UCK2: variants seen among roughly 807,000 people sequenced by gnomAD.
UCK2 encodes the protein uridine-cytidine kinase 2.
UCK2 carries 6 observed loss-of-function variants against 30.8 expected under a neutral mutation model. That is an observed-to-expected ratio of 0.19 (90% confidence interval 0.11 to 0.38). The LOEUF is 0.38. UCK2 is among the 10% of genes least tolerant of loss of function. The pLI, the probability that UCK2 is intolerant of heterozygous loss-of-function variation, is 1.00. For synonymous variants in UCK2, 125 were observed against 133.6 expected (o/e 0.94, Z 0.45); for missense variants, 210 against 339.8 (o/e 0.62, Z 3.00).
intron 1 of UCK2, among the ~76,000 whole-genome samples, chr1:165,868,690 G>A: frequency 6.6e-6 from 1 of 152,234 alleles, no homozygotes; most frequent in East Asian, 1.9e-4. Flanking sequence ...ATTAGGCTTT[G>A]GTTCAAGGGA....
intron 1 of UCK2, among the ~76,000 whole-genome samples, chr1:165,884,065 G>A (rs1655561286): frequency 6.6e-6 from 1 of 152,304 alleles, no homozygotes; most frequent in South Asian, 2.1e-4. Flanking sequence ...CCTTTGAGAT[G>A]GATACCATAT....
At chr1:165,851,205 C>A (rs1654588466) in intron 1 of UCK2, among the ~76,000 whole-genome samples, 1 of 152,156 alleles carries the variant, frequency 6.6e-6, no homozygotes, top group African/African-American at 2.4e-5. Context: ...CATGTGCCCC[C>A]AGGGGCAGCA....
At position 165,906,031 on chromosome 1, in the gene UCK2, G is replaced by C. The variant is rs1647647567; in HGVS notation, c.646+62G>C. 9 of 1,538,938 alleles carry C rather than the reference G, an allele frequency of 5.8e-6. No homozygotes were observed. The Admixed American group carries it at 1.0e-4, about 17-fold the overall frequency. On this transcript the variant is annotated intron_variant, in intron 6 of 6. Transcript: ENST00000367879. ...TCTGCCCTTTGTCAGTCATAATTTGGGGCAGGATGTGGTGACCCTACAGGG... is the reference window on the plus strand; with the variant it reads ...TCTGCCCTTTGTCAGTCATAATTTGCGGCAGGATGTGGTGACCCTACAGGG...
Position 165,907,732 on chromosome 1 carries a change from G to C in UCK2, c.695G>C (p.Gly232Ala). Reference sequence around the variant, plus strand: ...CACATCCAGGACATCCTGAATGGAGGGCCCTCCAAACGGCAGACCAATGGC... The same window carrying C: ...CACATCCAGGACATCCTGAATGGAGCGCCCTCCAAACGGCAGACCAATGGC... ...VQHIQDILNGGPSKRQTNGCL... is the reference protein window; with the variant it reads ...VQHIQDILNGAPSKRQTNGCL... The change falls in exon 7 of 7, where the codon GGG (glycine) becomes GCG (alanine). Residue 232 changes from glycine (G) to alanine (A), a missense_variant. Physicochemically the swap from Gly to Ala is moderately conservative, Grantham distance 60. Coordinates refer to ENST00000367879, the MANE Select transcript of UCK2 (RefSeq NM_012474.5). The C allele has an allele frequency of 6.2e-7, 1 of 1,614,166 alleles. No individual in the cohort carries two copies. The highest frequency in any genetic ancestry group is 8.5e-7 in the Non-Finnish European group (1 of 1,180,034).
chr1:165,879,544 T>TA (rs1423705495), intron 1 of UCK2, among the ~76,000 whole-genome samples: 110 of 144,704 alleles, frequency 7.6e-4, no homozygotes, highest in African/African-American at 2.7e-3. Flanking sequence ...GATGTTTGCT[T>TA]TTTATTATTA....
At chr1:165,864,863 T>A (rs1655011153) in intron 1 of UCK2, among the ~76,000 whole-genome samples, 1 of 152,038 alleles carries the variant, frequency 6.6e-6, no homozygotes, top group Admixed American at 6.6e-5. Context: ...TTTTTTCTAC[T>A]TTTTGTAGAG....
intron 1 of UCK2, among the ~76,000 whole-genome samples, chr1:165,865,646 A>G (rs545678123): frequency 8.1e-4 from 124 of 152,258 alleles, no homozygotes; most frequent in African/African-American, 2.7e-3. Flanking sequence ...CAGACTGTCC[A>G]TTCCGTTGCA....
At chr1:165,880,679 G>T (rs1655472430) in intron 1 of UCK2, among the ~76,000 whole-genome samples, 1 of 151,370 alleles carries the variant, frequency 6.6e-6, no homozygotes, top group Admixed American at 6.6e-5. Flanking sequence ...CCATATTCAG[G>T]CTTAGAATAA....
chr1:165,907,318 G>A (rs752807729), intron 6 of UCK2, among the ~76,000 whole-genome samples: 2 of 152,194 alleles, frequency 1.3e-5, no homozygotes, highest in Non-Finnish European at 2.9e-5. Flanking sequence ...GTTCCCTGGT[G>A]GAAAGGTCTC....
At chr1:165,842,334 G>T (rs1432952826) in intron 1 of UCK2, among the ~76,000 whole-genome samples, 1 of 151,970 alleles carries the variant, frequency 6.6e-6, no homozygotes, top group Non-Finnish European at 1.5e-5. Context: ...TCCTTTCCTG[G>T]GCTTCTTTCT....
intron 1 of UCK2, among the ~76,000 whole-genome samples, chr1:165,885,651 G>A (rs548666647): frequency 6.6e-6 from 1 of 152,348 alleles, no homozygotes; most frequent in African/African-American, 2.4e-5. Flanking sequence ...CAGTTTGCCT[G>A]TGAGACAGCG....
Position 165,827,871 on chromosome 1 carries a change from A to G in UCK2, c.38A>G (p.Gln13Arg), listed in dbSNP as rs1173536672. Reference protein sequence around the residue: ...GDSEQTLQNHQQPNGGEPFLI... With the variant: ...GDSEQTLQNHRQPNGGEPFLI... ...AGCGAGCAGACCCTGCAGAACCACC[A>G]GCAGCCCAACGGCGGCGAGCCCTTC... is the stretch of plus-strand genomic sequence containing the variant. Residue 13 changes from glutamine (Q) to arginine (R), a missense_variant, in exon 1 of 7, where the codon CAG becomes CGG. Transcript: ENST00000367879. The G allele has an allele frequency of 1.3e-6, 2 of 1,482,584 alleles. No individual in the cohort carries two copies. Among genetic ancestry groups the G allele is most frequent in the East Asian group, 2.8e-5 (1 of 36,010 alleles). The allele number at this position is 1,482,584 out of a possible 1,614,324, so 91.8% of individuals were successfully genotyped here.
At chr1:165,880,561 T>TG (rs1557843865) in intron 1 of UCK2, among the ~76,000 whole-genome samples, 55 of 77,714 alleles carry the variant, frequency 7.1e-4, no homozygotes, top group African/African-American at 2.4e-3. Flanking sequence ...TCAGTTTTTT[T>TG]TGGGGGTGTG....
chr1:165,896,064 C>T, intron 3 of UCK2, 126 bp from the exon 4 acceptor site: 3 of 1,239,794 alleles, frequency 2.4e-6, no homozygotes, highest in Non-Finnish European at 3.4e-6. Flanking sequence ...AAGTCTTTAG[C>T]CCCCGCTTGA....
At chr1:165,896,108 C>A in intron 3 of UCK2, 82 bp from the exon 4 acceptor site, 1 of 1,569,310 alleles carries the variant, frequency 6.4e-7, no homozygotes, top group Non-Finnish European at 8.7e-7. Context: ...GAACCCAGCC[C>A]AGCCAGATGT....
At chr1:165,832,063 C>G (rs1031611173) in intron 1 of UCK2, among the ~76,000 whole-genome samples, 1 of 152,168 alleles carries the variant, frequency 6.6e-6, no homozygotes, top group African/African-American at 2.4e-5. Flanking sequence ...GCCACCGTGC[C>G]CGGCCTTATT....
chr1:165,840,163 C>T (rs1040858977), intron 1 of UCK2, among the ~76,000 whole-genome samples: 1 of 152,262 alleles, frequency 6.6e-6, no homozygotes, highest in African/African-American at 2.4e-5. Context: ...AAGTTATCCC[C>T]CGGCATTGGC....
chr1:165,877,366 C>T (rs753266609), intron 1 of UCK2, among the ~76,000 whole-genome samples: 5 of 152,156 alleles, frequency 3.3e-5, no homozygotes, highest in East Asian at 1.9e-4. Flanking sequence ...GGGATGTTGA[C>T]GTTGATACAG....
At chr1:165,854,673 A>T (rs1381008623) in intron 1 of UCK2, among the ~76,000 whole-genome samples, 1 of 152,056 alleles carries the variant, frequency 6.6e-6, no homozygotes, top group Admixed American at 6.6e-5. Context: ...ATCTCTTCAG[A>T]TTAGAAAAAA....
Sources: allele counts gnomAD v4.1 joint callset (sites outside exome capture counted in the v4.1 genomes callset), GRCh38; gene constraint gnomAD v4.1.1; transcripts MANE v1.5; gene names NCBI Gene and HGNC (gene_info 2026-07-23, HGNC 2026-07-21).